Variants in BMPR1B observed in about 807,000 individuals in gnomAD.
The protein encoded by BMPR1B is bone morphogenetic protein receptor type-1B.
Under a neutral mutation model 59.1 loss-of-function variants are expected in BMPR1B, and 12 were observed. The ratio of observed to expected loss-of-function variants is 0.20; its 90% CI spans 0.13 to 0.33. The LOEUF (loss-of-function observed/expected upper bound fraction) is 0.33. Among genes scored for constraint, BMPR1B ranks in the 10% least tolerant of loss-of-function variants. The pLI is 1.00. For synonymous variants in BMPR1B, 237 were observed against 207.3 expected, an observed-to-expected ratio of 1.14 and a Z score of -1.23; for missense variants, 550 against 610.9, an observed-to-expected ratio of 0.90 and a Z score of 1.05.
At position 95,066,932 on chromosome 4, in the gene BMPR1B, C is replaced by T. The variant is rs537693242; in HGVS notation, c.-17-37476C>T. On this transcript the variant is annotated intron_variant, in intron 3 of 12. Transcript: ENST00000515059. ...TGCATTTGTGAGCACAGTTTTGGAA[C>T]GATTAAAGCATTTTATTTAGGTAAT... Among the ~76,000 whole-genome samples the T allele has an allele frequency of 1.2e-4, 19 of 152,244 alleles. No individual in the cohort carries two copies. The East Asian group carries it at 1.5e-3, about 12-fold the overall frequency.
At chr4:94,873,258 T>C (rs1055396510) in intron 1 of BMPR1B, among the ~76,000 whole-genome samples, 4 of 152,098 alleles carry the variant, frequency 2.6e-5, no homozygotes, top group Non-Finnish European at 5.9e-5. Context: ...TTTATTTGAG[T>C]TACTCTTCTA....
chr4:94,856,789 T>G (rs1025635617), intron 1 of BMPR1B, among the ~76,000 whole-genome samples: 3 of 152,222 alleles, frequency 2.0e-5, no homozygotes, highest in Non-Finnish European at 2.9e-5. Context: ...TTTAGAAAAC[T>G]ATGCCAGGTG....
chr4:94,854,655 A>G (rs4429734), intron 1 of BMPR1B, among the ~76,000 whole-genome samples: 92,480 of 152,044 alleles, frequency 0.61, 29,009 homozygotes, highest in African/African-American at 0.76. Context: ...GAGTCCAGCC[A>G]TTCATTCAAG....
At chr4:94,820,334 A>G (rs1385435340) in intron 1 of BMPR1B, among the ~76,000 whole-genome samples, 1 of 152,192 alleles carries the variant, frequency 6.6e-6, no homozygotes, top group African/African-American at 2.4e-5. Context: ...AGTCACCCAC[A>G]AAAAACATTT....
intron 1 of BMPR1B, among the ~76,000 whole-genome samples, chr4:94,838,868 A>G (rs1724929360): frequency 7.2e-6 from 1 of 139,236 alleles, no homozygotes; most frequent in Non-Finnish European, 1.6e-5. Context: ...TCAATTTTGG[A>G]TCTTTCCTGC....
chr4:94,949,114 T>C (rs1440376789), intron 2 of BMPR1B, among the ~76,000 whole-genome samples: 5 of 151,528 alleles, frequency 3.3e-5, no homozygotes, highest in African/African-American at 1.2e-4. Context: ...CTAATGCTAT[T>C]GCTTCCCTTG....
chr4:94,945,068 G>A (rs1729658431), intron 2 of BMPR1B, among the ~76,000 whole-genome samples: 1 of 152,166 alleles, frequency 6.6e-6, no homozygotes, highest in African/African-American at 2.4e-5. Context: ...CCCCATGTAT[G>A]GAACATTTCA....
intron 3 of BMPR1B, among the ~76,000 whole-genome samples, chr4:95,053,522 A>G (rs893176387): frequency 1.3e-5 from 2 of 152,150 alleles, no homozygotes; most frequent in Non-Finnish European, 2.9e-5. Flanking sequence ...CAATTTGACT[A>G]TTAAATGAGT....
intron 3 of BMPR1B, among the ~76,000 whole-genome samples, chr4:95,036,669 A>G (rs1441977844): frequency 2.0e-5 from 3 of 149,434 alleles, no homozygotes; most frequent in East Asian, 3.9e-4. Flanking sequence ...TGTAATAAAC[A>G]TGGGCGTGCA....
At chr4:94,926,058 C>G in intron 2 of BMPR1B, among the ~76,000 whole-genome samples, 1 of 88,244 alleles carries the variant, frequency 1.1e-5, no homozygotes, top group Non-Finnish European at 2.3e-5. Flanking sequence ...ACCCTCCCTC[C>G]CCCCCAATCC....
At chr4:94,907,461 A>G (rs1275800466) in intron 2 of BMPR1B, among the ~76,000 whole-genome samples, 1 of 152,078 alleles carries the variant, frequency 6.6e-6, no homozygotes, top group African/African-American at 2.4e-5. Flanking sequence ...TTCAGCACTC[A>G]GGCAGCAAAT....
intron 3 of BMPR1B, among the ~76,000 whole-genome samples, chr4:95,025,947 T>G (rs549554671): frequency 1.3e-5 from 2 of 152,328 alleles, no homozygotes; most frequent in African/African-American, 4.8e-5. Flanking sequence ...TTTGTTTAAT[T>G]TTTATTAGCA....
At chr4:94,901,303 T>C (rs747562927) in intron 2 of BMPR1B, among the ~76,000 whole-genome samples, 40 of 152,000 alleles carry the variant, frequency 2.6e-4, no homozygotes, top group Non-Finnish European at 4.9e-4. Flanking sequence ...AAGCATTGTT[T>C]TGTGAAAATT....
chr4:94,992,062 G>A (rs1219692725), intron 2 of BMPR1B, among the ~76,000 whole-genome samples: 1 of 152,042 alleles, frequency 6.6e-6, no homozygotes, highest in Non-Finnish European at 1.5e-5. Context: ...TTCCAAAGTT[G>A]CCCTCTCCTC....
intron 2 of BMPR1B, among the ~76,000 whole-genome samples, chr4:94,991,545 C>T (rs1721759788): frequency 6.6e-6 from 1 of 152,120 alleles, no homozygotes; most frequent in Admixed American, 6.5e-5. Flanking sequence ...GGGACTTGAA[C>T]GTGAACAGTT....
intron 10 of BMPR1B, among the ~76,000 whole-genome samples, chr4:95,144,472 C>A (rs1734488218): frequency 8.4e-6 from 1 of 119,624 alleles, no homozygotes; most frequent in Non-Finnish European, 1.8e-5. Flanking sequence ...AACCACCACA[C>A]CAGGCCTTTT....
chr4:94,760,956 C>T (rs1721738953), intron 1 of BMPR1B, among the ~76,000 whole-genome samples: 1 of 152,192 alleles, frequency 6.6e-6, no homozygotes, highest in Admixed American at 6.5e-5. Context: ...TGTCATCACA[C>T]ACATTAATAA....
At chr4:95,124,899 G>A in intron 7 of BMPR1B, 84 bp from the exon 8 acceptor site, 1 of 1,306,902 alleles carries the variant, frequency 7.7e-7, no homozygotes, top group Non-Finnish European at 1.1e-6. Flanking sequence ...AAATAAAACT[G>A]CTGTGATTAC....
At chr4:94,793,021 T>TTTTA (rs1204463595) in intron 1 of BMPR1B, among the ~76,000 whole-genome samples, 1 of 152,118 alleles carries the variant, frequency 6.6e-6, no homozygotes, top group African/African-American at 2.4e-5. Flanking sequence ...TTTCTTTTTT[T>TTTTA]TTATTATTAT....
Sources: gnomAD v4.1 joint callset for allele counts (sites outside exome capture counted in the v4.1 genomes callset) on GRCh38, gnomAD v4.1.1 for gene constraint, MANE v1.5 for transcripts, NCBI Gene and HGNC (gene_info 2026-07-23, HGNC 2026-07-21) for gene names.